Variants in MTF2 observed in about 807,000 individuals in gnomAD.
The protein encoded by MTF2 is metal response element binding transcription factor 2.
A neutral mutation model predicts 79.5 loss-of-function variants in MTF2; 11 were observed. The ratio of observed to expected loss-of-function variants is 0.14; its 90% CI spans 0.09 to 0.23. The LOEUF (loss-of-function observed/expected upper bound fraction) is 0.23, where lower values mean the gene tolerates loss of function less well. MTF2 is among the 10% of genes least tolerant of loss of function. The pLI, the probability that MTF2 is intolerant of heterozygous loss-of-function variation, is 1.00. For synonymous variants in MTF2, 208 were observed against 232.8 expected, an observed-to-expected ratio of 0.89 and a Z score of 0.97; for missense variants, 486 against 711.2, an observed-to-expected ratio of 0.68 and a Z score of 3.60.
At chr1:93,125,776 T>G (rs1186421351) in intron 9 of MTF2, among the ~76,000 whole-genome samples, 1 of 152,042 alleles carries the variant, frequency 6.6e-6, no homozygotes, top group Non-Finnish European at 1.5e-5. Flanking sequence ...GATATAGCTA[T>G]TAAACATTTT....
At position 93,089,131 on chromosome 1, in the gene MTF2, A is replaced by G. The variant is rs868527939; in HGVS notation, c.5+9600A>G. 2.3e-4 allele frequency among the ~76,000 whole-genome samples: 35 copies of G among 152,258 alleles called. No individual in the cohort carries two copies. In the Middle Eastern group the frequency reaches 0.014, roughly 59 times the overall value. On this transcript the variant is annotated intron_variant, in intron 1 of 14. Coordinates refer to ENST00000370298, the MANE Select transcript of MTF2 (RefSeq NM_007358.4). ...CTGTTAGGTGGTTAAGCTATTTTTA[A>G]TTCTAGGGGGCTCAGGCTGAACTTG...
chr1:93,118,475 T>G (rs181066938), intron 7 of MTF2, 35 bp downstream of exon 7: 3 of 1,419,614 alleles, frequency 2.1e-6, no homozygotes, highest in Middle Eastern at 1.8e-4. Flanking sequence ...TGGCTGATTT[T>G]TGTCACTTTT....
intron 1 of MTF2, among the ~76,000 whole-genome samples, chr1:93,080,399 G>A (rs148004581): frequency 3.0e-4 from 45 of 152,276 alleles, no homozygotes; most frequent in African/African-American, 1.1e-3. Context: ...GAAGCAATTA[G>A]AGGGAACAGA....
chr1:93,080,407 A>G (rs1024088865), intron 1 of MTF2, among the ~76,000 whole-genome samples: 18 of 152,238 alleles, frequency 1.2e-4, no homozygotes, highest in Non-Finnish European at 1.3e-4. Context: ...TAGAGGGAAC[A>G]GATGGATTTA....
intron 1 of MTF2, among the ~76,000 whole-genome samples, chr1:93,082,135 C>T (rs1442491668): frequency 6.6e-6 from 1 of 151,924 alleles, no homozygotes; most frequent in Non-Finnish European, 1.5e-5. Context: ...CAAAAAACAA[C>T]AAAAAATGGA....
At chr1:93,131,408 T>G (rs1656912766) in intron 11 of MTF2, among the ~76,000 whole-genome samples, 2 of 152,272 alleles carry the variant, frequency 1.3e-5, no homozygotes, top group South Asian at 4.1e-4. Flanking sequence ...GTGGTACAGA[T>G]AGAAACCAGA....
At chr1:93,129,059 G>C (rs1041371944) in intron 10 of MTF2, 1 of 359,540 alleles carries the variant, frequency 2.8e-6, no homozygotes. Context: ...GTGGACATGT[G>C]CTCTTCTCCT....
intron 1 of MTF2, among the ~76,000 whole-genome samples, chr1:93,104,781 A>T (rs887188980): frequency 1.3e-5 from 2 of 152,132 alleles, no homozygotes; most frequent in Admixed American, 6.5e-5. Flanking sequence ...CTTGACTTGA[A>T]CTATATAAAT....
chr1:93,087,571 CAAA>C (rs5776168), intron 1 of MTF2, among the ~76,000 whole-genome samples: 1 of 135,524 alleles, frequency 7.4e-6, no homozygotes, highest in Non-Finnish European at 1.6e-5. Context: ...GACTCTGTCT[CAAA>C]AAAAAAAAAA....
intron 5 of MTF2, among the ~76,000 whole-genome samples, 170 bp from the exon 6 acceptor site, chr1:93,115,300 A>T (rs937014789): frequency 1.3e-5 from 2 of 152,228 alleles, no homozygotes; most frequent in African/African-American, 4.8e-5. Flanking sequence ...TGGTGCAGTA[A>T]TTTGAAAGAA....
At chr1:93,108,230 T>G (rs1331806024) in intron 1 of MTF2, among the ~76,000 whole-genome samples, 3 of 152,190 alleles carry the variant, frequency 2.0e-5, no homozygotes, top group African/African-American at 7.2e-5. Context: ...GGAATATGCA[T>G]TTATGCTGTC....
intron 1 of MTF2, among the ~76,000 whole-genome samples, chr1:93,103,633 ATAT>A (rs1257641151): frequency 2.6e-5 from 4 of 152,258 alleles, no homozygotes; most frequent in Admixed American, 6.5e-5. Flanking sequence ...ATATGTTTCT[ATAT>A]TATTCTAACA....
chr1:93,092,225 G>GT (rs1655103035), intron 1 of MTF2, among the ~76,000 whole-genome samples: 1 of 152,078 alleles, frequency 6.6e-6, no homozygotes, highest in South Asian at 2.1e-4. Flanking sequence ...TATTGAAACA[G>GT]TTTTTTCACA....
chr1:93,114,842 G>T, intron 4 of MTF2, 59 bp downstream of exon 4: 1 of 1,385,846 alleles, frequency 7.2e-7, no homozygotes, highest in South Asian at 1.3e-5. Context: ...GAAGATTAAT[G>T]ACTAAAAATA....
chr1:93,115,168 GT>G (rs1358441415), intron 5 of MTF2, 80 bp downstream of exon 5: 13 of 1,103,176 alleles, frequency 1.2e-5, no homozygotes, highest in Non-Finnish European at 1.6e-5. Context: ...TACACTGAAA[GT>G]TTGTTGGAAT....
intron 7 of MTF2, among the ~76,000 whole-genome samples, 154 bp downstream of exon 7, chr1:93,118,594 C>T (rs545892108): frequency 1.1e-4 from 17 of 152,150 alleles, no homozygotes; most frequent in South Asian, 8.3e-4. Context: ...TTAAAATATA[C>T]GTAATTTTTG....
At chr1:93,082,199 GA>G (rs1360940361) in intron 1 of MTF2, among the ~76,000 whole-genome samples, 2 of 150,548 alleles carry the variant, frequency 1.3e-5, no homozygotes, top group East Asian at 1.9e-4. Flanking sequence ...CACTTTGGTA[GA>G]AAAAACTTAA....
intron 1 of MTF2, among the ~76,000 whole-genome samples, chr1:93,090,686 C>T (rs1229537721): frequency 5.1e-5 from 7 of 136,560 alleles, no homozygotes; most frequent in Non-Finnish European, 7.7e-5. Flanking sequence ...TTTTTTGAGA[C>T]GGAGTCTAAC....
In MTF2 at chr1:93,119,436, G is replaced by C. The variant is rs1312135653; in HGVS notation, c.797+35G>C. 3 of 1,482,598 alleles carry C rather than the reference G, an allele frequency of 2.0e-6. No individual in the cohort carries two copies. In the Admixed American group the frequency reaches 6.7e-5, roughly 33 times the overall value. The allele number at this position is 1,482,598 out of a possible 1,614,324, so 91.8% of individuals were successfully genotyped here. ...GACCTTTCTGTTAAAAGAAAGAAAA[G>C]CCATTTTCTTAAACCTACAAGTTGA... On this transcript the variant is annotated intron_variant, in intron 8 of 14. Coordinates refer to ENST00000370298, the MANE Select transcript of MTF2 (RefSeq NM_007358.4).
Sources: gnomAD v4.1 joint callset for allele counts (sites outside exome capture counted in the v4.1 genomes callset) on GRCh38, gnomAD v4.1.1 for gene constraint, MANE v1.5 for transcripts, NCBI Gene and HGNC (gene_info 2026-07-23, HGNC 2026-07-21) for gene names.